Variants in NINL observed in about 807,000 individuals in gnomAD.
The protein encoded by NINL is ninein like.
In NINL, 153 loss-of-function variants were observed where a neutral mutation model predicts 160.3. The ratio of observed to expected loss-of-function variants is 0.95; its 90% CI spans 0.84 to 1.09. The LOEUF (loss-of-function observed/expected upper bound fraction) is 1.09. Among genes scored for constraint, NINL ranks in the 50% least tolerant of loss-of-function variants. The pLI is 0.00. For synonymous variants in NINL, 800 were observed against 734.8 expected (o/e 1.09, Z -1.43); for missense variants, 1,829 against 1,764.0 (o/e 1.04, Z -0.66).
intron 15 of NINL, 145 bp from the exon 16 acceptor site, chr20:25,479,351 G>A: frequency 9.6e-7 from 1 of 1,039,220 alleles, no homozygotes. Context: ...GTGCAGAAGG[G>A]GACAGTGACA....
At chr20:25,561,272 C>T (rs1459677685) in intron 1 of NINL, among the ~76,000 whole-genome samples, 2 of 152,282 alleles carry the variant, frequency 1.3e-5, no homozygotes, top group Non-Finnish European at 2.9e-5. Context: ...CTCCTAAGCG[C>T]GAGTGATCCG....
At chr20:25,499,301 T>C in intron 8 of NINL, 3 of 904,206 alleles carry the variant, frequency 3.3e-6, no homozygotes, top group South Asian at 1.0e-4. Flanking sequence ...CAGCCTGAGG[T>C]CAGAAATGCT....
At chr20:25,522,174 C>T (rs1469206955) in intron 2 of NINL, among the ~76,000 whole-genome samples, 1 of 152,216 alleles carries the variant, frequency 6.6e-6, no homozygotes, top group Non-Finnish European at 1.5e-5. Context: ...TACCAAAGTA[C>T]TGGGATTACA....
chr20:25,563,699 A>C (rs2064969803), intron 1 of NINL, among the ~76,000 whole-genome samples: 1 of 152,226 alleles, frequency 6.6e-6, no homozygotes, highest in Non-Finnish European at 1.5e-5. Context: ...ACACCATGCA[A>C]ATAATATTTT....
intron 1 of NINL, among the ~76,000 whole-genome samples, chr20:25,564,155 C>CTT (rs974789146): frequency 2.1e-4 from 27 of 129,230 alleles, no homozygotes; most frequent in African/African-American, 6.2e-4. Context: ...TTTCTTTTTT[C>CTT]TTTTTTTTTT....
intron 9 of NINL, among the ~76,000 whole-genome samples, chr20:25,497,970 C>T (rs763595160): frequency 3.3e-5 from 5 of 152,376 alleles, no homozygotes; most frequent in South Asian, 2.1e-4. Flanking sequence ...CCCAGAAACA[C>T]GGATGAGCGG....
chr20:25,477,694 G>A (rs1003734489), intron 16 of NINL, among the ~76,000 whole-genome samples: 5 of 152,166 alleles, frequency 3.3e-5, no homozygotes, highest in African/African-American at 7.2e-5. Context: ...TTGGCAGATC[G>A]GGAGCCCTGC....
Position 25,537,467 on chromosome 20 carries a change from A to G in NINL, c.-11-10869T>C, listed in dbSNP as rs142052255. On this transcript the variant is annotated intron_variant, in intron 1 of 23. Coordinates refer to ENST00000278886, the MANE Select transcript of NINL (RefSeq NM_025176.6). ...AATCCAATGGGTCAACGAGCAGCGC[A>G]CCTGCTGGCTCTGCACATACAACCC... 1.4e-3 allele frequency among the ~76,000 whole-genome samples: 212 copies of G among 152,368 alleles called. 1 individual carries two copies. Among genetic ancestry groups the G allele is most frequent in the African/African-American group, 4.8e-3 (200 of 41,590 alleles).
chr20:25,500,756 C>T (rs1009858271), intron 8 of NINL, 84 bp downstream of exon 8: 6 of 1,498,652 alleles, frequency 4.0e-6, no homozygotes, highest in Non-Finnish European at 3.6e-6. Flanking sequence ...GGTCCCCTGG[C>T]TTGGGACGCT....
intron 1 of NINL, among the ~76,000 whole-genome samples, chr20:25,561,551 CG>C (rs1437676106): frequency 6.7e-6 from 1 of 150,310 alleles, no homozygotes; most frequent in Non-Finnish European, 1.5e-5. Context: ...AAGTGAGAAG[CG>C]TCTCTGCCCG....
In NINL at chr20:25,458,388, G is replaced by A. The variant is rs2090746817; in HGVS notation, c.3838C>T (p.Gln1280Ter). The change falls in exon 22 of 24, where the codon CAG becomes TAG. Residue 1280 changes from glutamine (Q) to a stop codon, truncating the protein, a stop_gained. Coordinates refer to ENST00000278886, the MANE Select transcript of NINL (RefSeq NM_025176.6). LOFTEE classifies it high-confidence loss of function. ...GEQARRRLDA[Q>*]REEHEKQLKA... ...CTCGCTGCATCCCCACTTACCCGCT[G>A]TGCATCCAGGCGCCTCCTGGCCTGC... The A allele has an allele frequency of 6.2e-7, 1 of 1,606,228 alleles. No homozygotes were observed. Among genetic ancestry groups the A allele is most frequent in the Non-Finnish European group, 8.5e-7 (1 of 1,179,980 alleles).
chr20:25,573,638 CAGCAATCTGAGG>C (rs2065080530), intron 1 of NINL, among the ~76,000 whole-genome samples: 1 of 152,234 alleles, frequency 6.6e-6, no homozygotes, highest in Non-Finnish European at 1.5e-5. Context: ...AGATAAAACA[CAGCAATCTGAGG>C]AGCCCATTGA....
At chr20:25,531,005 A>G (rs577683390) in intron 1 of NINL, among the ~76,000 whole-genome samples, 34 of 151,904 alleles carry the variant, frequency 2.2e-4, no homozygotes, top group African/African-American at 7.8e-4. Flanking sequence ...GGGAGACTGG[A>G]GCTTATTTCA....
intron 1 of NINL, among the ~76,000 whole-genome samples, chr20:25,551,576 T>C (rs1381697383): frequency 6.6e-6 from 1 of 152,090 alleles, no homozygotes; most frequent in Non-Finnish European, 1.5e-5. Flanking sequence ...GACCTCTGCT[T>C]TTCCAAAGAG....
chr20:25,517,840 CAA>C lies in NINL; in HGVS notation c.188_189del (p.Phe63Ter), dbSNP rs1568936031. ...LGNDHFARVN[F>X]EEFKEGFVAV... ...GCCACAAAACCTTCCTTAAATTCCT[CAA>C]AGTTAACCTGGGTGAATTGAAGGTG... is the stretch of plus-strand genomic sequence containing the variant. On this transcript the variant is annotated frameshift_variant, in exon 3 of 24. Transcript: ENST00000278886. LOFTEE classifies it high-confidence loss of function. 6.2e-7 allele frequency: 1 copy of C among 1,602,626 alleles called. No homozygotes were observed. The highest frequency in any genetic ancestry group is 8.5e-7 in the Non-Finnish European group (1 of 1,176,648).
At chr20:25,473,534 A>C (rs2063157415) in intron 17 of NINL, among the ~76,000 whole-genome samples, 2 of 151,704 alleles carry the variant, frequency 1.3e-5, no homozygotes, top group South Asian at 4.1e-4. Context: ...AAAATAAAAC[A>C]AAGTGGCCAG....
chr20:25,510,744 TAGAA>T lies in NINL; in HGVS notation c.451-8_451-5del. On this transcript the variant is annotated splice_region_variant and splice_polypyrimidine_tract_variant and intron_variant, in intron 4 of 23. Coordinates refer to ENST00000278886, the MANE Select transcript of NINL (RefSeq NM_025176.6). ...CCTCTTCATCTGACTTGGGACTCTG[TAGAA>T]AGATGCAGAGAGAAGGCTGTGAGTT... 6.2e-7 allele frequency: 1 copy of T among 1,611,220 alleles called. No individual in the cohort carries two copies. The highest frequency in any genetic ancestry group is 1.3e-5 in the African/African-American group (1 of 74,926).
intron 17 of NINL, among the ~76,000 whole-genome samples, chr20:25,473,675 T>TACACACACACACAC (rs56359105): frequency 1.2e-4 from 17 of 137,984 alleles, no homozygotes; most frequent in African/African-American, 3.3e-4. Context: ...AATACACACA[T>TACACACACACACAC]ACACACACAC....
chr20:25,573,989 A>AG (rs747084319), intron 1 of NINL, among the ~76,000 whole-genome samples: 8 of 152,250 alleles, frequency 5.3e-5, no homozygotes, highest in South Asian at 4.1e-4. Flanking sequence ...ACCCAGAAAC[A>AG]GGAACCAATA....
Sources: allele counts gnomAD v4.1 joint callset (sites outside exome capture counted in the v4.1 genomes callset), GRCh38; gene constraint gnomAD v4.1.1; transcripts MANE v1.5; gene names NCBI Gene and HGNC (gene_info 2026-07-23, HGNC 2026-07-21).